The following KIAA1217 variants were observed in gnomAD, a reference collection of about 807,000 sequenced individuals.
The protein encoded by KIAA1217 is sickle tail protein homolog.
A neutral mutation model predicts 163.9 loss-of-function variants in KIAA1217; 88 were observed. The ratio of observed to expected loss-of-function variants is 0.54; its 90% CI spans 0.45 to 0.64. KIAA1217 has a LOEUF of 0.64. Among genes scored for constraint, KIAA1217 ranks in the 30% least tolerant of loss-of-function variants. The probability of loss-of-function intolerance (pLI) is 0.00; values close to 1 mark genes in which losing one functional copy is unlikely to be tolerated. For missense variants in KIAA1217, 2,372 were observed against 2,475.0 expected, an observed-to-expected ratio of 0.96 and a Z score of 0.88; for synonymous variants, 903 against 923.1, an observed-to-expected ratio of 0.98 and a Z score of 0.39.
chr10:24,442,982 C>T (rs528924079), intron 5 of KIAA1217, among the ~76,000 whole-genome samples: 2 of 150,272 alleles, frequency 1.3e-5, no homozygotes, highest in East Asian at 2.0e-4. Context: ...GCAATCTCGG[C>T]TCATTGCAAC....
intron 1 of KIAA1217, among the ~76,000 whole-genome samples, chr10:23,825,876 T>C (rs537558723): frequency 1.3e-5 from 2 of 152,238 alleles, no homozygotes; most frequent in Admixed American, 1.3e-4. Flanking sequence ...ACACTCGGTG[T>C]TTTTATGGGC....
At chr10:24,333,172 C>T (rs772357529) in intron 2 of KIAA1217, among the ~76,000 whole-genome samples, 125 of 152,114 alleles carry the variant, frequency 8.2e-4, no homozygotes, top group Non-Finnish European at 1.2e-3. Context: ...TTACAAACGC[C>T]CACCACCACA....
At chr10:24,022,748 C>T (rs1004233003) in intron 2 of KIAA1217, among the ~76,000 whole-genome samples, 1 of 151,650 alleles carries the variant, frequency 6.6e-6, no homozygotes, top group South Asian at 2.1e-4. Flanking sequence ...AACTGTAGTG[C>T]CTTCCTAAAC....
At chr10:23,827,119 G>A (rs942858410) in intron 1 of KIAA1217, among the ~76,000 whole-genome samples, 1 of 152,200 alleles carries the variant, frequency 6.6e-6, no homozygotes, top group African/African-American at 2.4e-5. Flanking sequence ...TGAACCTATA[G>A]TGATTCTCAA....
intron 2 of KIAA1217, among the ~76,000 whole-genome samples, chr10:24,362,914 A>C (rs2050215159): frequency 6.6e-6 from 1 of 151,684 alleles, no homozygotes; most frequent in African/African-American, 2.4e-5. Context: ...TGGGTGACAG[A>C]GTGAAACTGT....
intron 2 of KIAA1217, among the ~76,000 whole-genome samples, chr10:24,149,792 C>T (rs370257602): frequency 3.3e-5 from 5 of 152,030 alleles, no homozygotes; most frequent in Non-Finnish European, 5.9e-5. Flanking sequence ...TTTGAGGTGA[C>T]GCATATCCCA....
At chr10:24,536,293 C>T (rs1031720256) in intron 16 of KIAA1217, among the ~76,000 whole-genome samples, 1 of 152,124 alleles carries the variant, frequency 6.6e-6, no homozygotes, top group Non-Finnish European at 1.5e-5. Flanking sequence ...GTACCTGTTA[C>T]TATTTCAGAG....
chr10:24,080,030 C>A (rs1008996403), intron 2 of KIAA1217, among the ~76,000 whole-genome samples: 5 of 152,204 alleles, frequency 3.3e-5, no homozygotes, highest in Non-Finnish European at 2.9e-5. Context: ...AAGGCTGAAT[C>A]CAGGCCTTCT....
intron 1 of KIAA1217, among the ~76,000 whole-genome samples, chr10:23,872,498 T>C (rs1840501481): frequency 6.6e-6 from 1 of 152,118 alleles, no homozygotes; most frequent in Admixed American, 6.6e-5. Context: ...CACACGAGCC[T>C]TGCCAACACT....
chr10:24,009,072 T>C (rs1441409236), intron 2 of KIAA1217, among the ~76,000 whole-genome samples: 1 of 152,198 alleles, frequency 6.6e-6, no homozygotes, highest in Non-Finnish European at 1.5e-5. Context: ...TCATTCTCTC[T>C]TGTGACTGTT....
intron 2 of KIAA1217, among the ~76,000 whole-genome samples, chr10:24,116,247 T>C (rs1484644971): frequency 6.6e-6 from 1 of 152,008 alleles, no homozygotes; most frequent in Non-Finnish European, 1.5e-5. Context: ...TGAATACAAT[T>C]ATGGTGATAC....
At position 24,428,539 on chromosome 10, in the gene KIAA1217, G is replaced by C. The variant is rs2059350499; in HGVS notation, c.554-4456G>C. On this transcript the variant is annotated intron_variant, in intron 3 of 20. Coordinates refer to ENST00000376454, the MANE Select transcript of KIAA1217 (RefSeq NM_019590.5). ...ACTGTGGATACAAACCAAGGGCGAGGTTACTAGGCTGGTTACATCATCTAG... is the reference window on the plus strand; with the variant it reads ...ACTGTGGATACAAACCAAGGGCGAGCTTACTAGGCTGGTTACATCATCTAG... Among the ~76,000 whole-genome samples the C allele has an allele frequency of 2.6e-5, 4 of 152,212 alleles. No homozygotes were observed. The South Asian group carries it at 8.3e-4, about 32-fold the overall frequency.
intron 1 of KIAA1217, among the ~76,000 whole-genome samples, chr10:23,711,484 G>A (rs1234639306): frequency 6.6e-6 from 1 of 152,148 alleles, no homozygotes; most frequent in Non-Finnish European, 1.5e-5. Flanking sequence ...AGAGTCTCTT[G>A]GCAGACAGCG....
intron 2 of KIAA1217, among the ~76,000 whole-genome samples, chr10:24,258,656 G>C (rs919742348): frequency 1.3e-5 from 2 of 150,930 alleles, no homozygotes; most frequent in African/African-American, 4.9e-5. Context: ...GCAGTGGCGC[G>C]ATCTCGGCTC....
At chr10:24,293,974 A>G (rs1489088605) in intron 2 of KIAA1217, among the ~76,000 whole-genome samples, 1 of 152,136 alleles carries the variant, frequency 6.6e-6, no homozygotes, top group Non-Finnish European at 1.5e-5. Context: ...CGGGCGGATC[A>G]CGAGGTCAGG....
intron 8 of KIAA1217, among the ~76,000 whole-genome samples, chr10:24,498,286 G>A (rs1255040251): frequency 1.3e-5 from 2 of 152,128 alleles, no homozygotes; most frequent in South Asian, 2.1e-4. Flanking sequence ...CCAAGACGGA[G>A]CAGCAGAAAG....
chr10:24,020,206 C>T (rs1431172990), intron 2 of KIAA1217, among the ~76,000 whole-genome samples: 1 of 152,108 alleles, frequency 6.6e-6, no homozygotes, highest in East Asian at 1.9e-4. Flanking sequence ...GACTTTCATT[C>T]CTGGGGCTAC....
intron 2 of KIAA1217, among the ~76,000 whole-genome samples, chr10:24,038,963 C>T (rs61849233): frequency 1.3e-4 from 20 of 152,114 alleles, no homozygotes; most frequent in African/African-American, 4.8e-4. Context: ...AGGCTGGTCT[C>T]GAACTCCTAA....
intron 2 of KIAA1217, among the ~76,000 whole-genome samples, chr10:24,065,448 C>A (rs1164181295): frequency 6.6e-6 from 1 of 151,970 alleles, no homozygotes; most frequent in African/African-American, 2.4e-5. Context: ...TGTAGTTGAG[C>A]GGTTTTGAGT....
Sources: gnomAD v4.1 joint callset for allele counts (sites outside exome capture counted in the v4.1 genomes callset) on GRCh38, gnomAD v4.1.1 for gene constraint, MANE v1.5 for transcripts, NCBI Gene and HGNC (gene_info 2026-07-23, HGNC 2026-07-21) for gene names.